Variants in PIN4 observed in about 807,000 individuals in gnomAD.
PIN4 encodes the protein peptidylprolyl cis/trans isomerase, NIMA-interacting 4.
A neutral mutation model predicts 8.3 loss-of-function variants in PIN4; 3 were observed. That is an observed-to-expected ratio of 0.36 (90% CI 0.16 to 0.93). The LOEUF is 0.93. Ranked by LOEUF, PIN4 falls within the 40% of genes least tolerant of loss-of-function variation. The pLI, the probability that PIN4 is intolerant of heterozygous loss-of-function variation, is 0.44. For synonymous variants in PIN4, 18 were observed against 32.5 expected, an observed-to-expected ratio of 0.55 and a Z score of 1.52; for missense variants, 75 against 100.6, an observed-to-expected ratio of 0.75 and a Z score of 1.09.
intron 3 of PIN4, among the ~76,000 whole-genome samples, chrX:72,235,206 G>A (rs951177079): frequency 3.6e-5 from 4 of 111,474 alleles, no homozygotes; most frequent in African/African-American, 1.3e-4. Context: ...TAAGGTTGCA[G>A]CAAGGCTGTG....
intron 2 of PIN4, among the ~76,000 whole-genome samples, chrX:72,187,078 C>T (rs1239430412): frequency 8.9e-6 from 1 of 112,047 alleles, no homozygotes; most frequent in Non-Finnish European, 1.9e-5. Flanking sequence ...CCTTAAAATG[C>T]ATTAAGTTAG....
Position 72,198,173 on chromosome X carries a change from C to T in PIN4, c.*647C>T. The T allele has an allele frequency of 1.3e-6, 1 of 745,481 alleles. No homozygotes were observed. Among genetic ancestry groups the T allele is most frequent in the South Asian group, 6.8e-5 (1 of 14,653 alleles). 61.4% of individuals were successfully genotyped at this position (745,481 alleles called of 1,213,427 possible). The stretch of plus-strand genomic sequence containing the variant: ...GGGATGTCAGCATAAAAATGTCATT[C>T]CCTCATCTTCAGTGTATGGGTTACA... On this transcript the variant is annotated 3_prime_UTR_variant, in exon 4 of 4. Coordinates refer to ENST00000373669, the MANE Select transcript of PIN4 (RefSeq NM_006223.4).
intron 3 of PIN4, among the ~76,000 whole-genome samples, chrX:72,262,523 G>A (rs1340163434): frequency 1.8e-5 from 2 of 112,234 alleles, no homozygotes; most frequent in Non-Finnish European, 3.8e-5. Context: ...GCAAGGAGGA[G>A]CTCTGTAAAC....
rs1203294935 is a variant in PIN4 at position 72,249,693 on chromosome X, C to A, written c.313-13014C>A. Among the ~76,000 whole-genome samples the A allele has an allele frequency of 3.6e-5, 4 of 111,719 alleles. 1 individual carries two copies. In the Admixed American group the frequency reaches 3.8e-4, roughly 11 times the overall value. On this transcript the variant is annotated intron_variant, in intron 3 of 3. Transcript: ENST00000423432. ...TCAGAATGTTACATACTGCTTGATT[C>A]CATTTCTATGAAGTTCAAGAACAAT...
intron 3 of PIN4, among the ~76,000 whole-genome samples, chrX:72,213,356 C>T (rs138818599): frequency 0.011 from 1,192 of 111,853 alleles, 5 homozygotes; most frequent in Non-Finnish European, 0.017. Context: ...AATCATATAT[C>T]GCCCGAGAGC....
rs779134069 is a variant in PIN4, at chrX:72,213,617, C to T, written c.312+16713C>T. Among the ~76,000 whole-genome samples, 5 of 112,310 alleles carry T rather than the reference C, an allele frequency of 4.5e-5. No individual in the cohort carries two copies. In the South Asian group the frequency reaches 1.9e-3, roughly 42 times the overall value. On this transcript the variant is annotated intron_variant, in intron 3 of 3. Transcript: ENST00000423432. ...TCCAGATATGGCAGGGTGTCCGCTG[C>T]GTTTCTGATATAGCAAGGCGCCCAT...
chrX:72,261,892 A>G (rs2043141403), intron 3 of PIN4, among the ~76,000 whole-genome samples: 1 of 109,988 alleles, frequency 9.1e-6, no homozygotes. Flanking sequence ...CTTGTCATAC[A>G]CCCTCATTCC....
At chrX:72,194,566 G>GT (rs1331486732) in intron 2 of PIN4, among the ~76,000 whole-genome samples, 4 of 108,556 alleles carry the variant, frequency 3.7e-5, no homozygotes, top group Non-Finnish European at 7.7e-5. Context: ...GCCAGGCGTG[G>GT]TGGTGCATGC....
Position 72,248,895 on chromosome X carries a change from G to GA in PIN4, c.313-13801dup, listed in dbSNP as rs1166606188. Among the ~76,000 whole-genome samples the GA allele has an allele frequency of 2.2e-4, 22 of 100,504 alleles. 1 individual carries two copies. Among genetic ancestry groups the GA allele is most frequent in the East Asian group, 3.2e-4 (1 of 3,150 alleles). The allele number at this position is 100,504 out of a possible 115,157, so 87.3% of individuals were successfully genotyped here. A position where few individuals can be genotyped will look rare whatever the true frequency, so the allele number is the denominator to read the frequency against. On this transcript the variant is annotated intron_variant, in intron 3 of 3. Transcript: ENST00000423432. ...CCATCTCAAAAAAAGAAAAGAAAAA[G>GA]AAAAAAAAAAACCAATCCTCAGGCA...
rs139531286 is a variant in PIN4 at position 72,207,273 on chromosome X, A to G, written c.312+10369A>G. ...CGATTCGCAATGTCTTAAAGTGCCT[A>G]TTCTTTAAGAGGCGTTCAATGATGT... On this transcript the variant is annotated intron_variant, in intron 3 of 3. Transcript: ENST00000423432. The G allele has an allele frequency of 5.2e-5, 63 of 1,209,167 alleles. No homozygotes were observed. The African/African-American group carries it at 1.0e-3, about 20-fold the overall frequency.
intron 2 of PIN4, among the ~76,000 whole-genome samples, chrX:72,190,864 A>G (rs1281813506): frequency 3.7e-5 from 4 of 107,768 alleles, no homozygotes; most frequent in Non-Finnish European, 7.7e-5. Context: ...GAGGCAGGAG[A>G]ATCACTTGAA....
chrX:72,231,750 C>T (rs1212270497), intron 3 of PIN4, among the ~76,000 whole-genome samples: 3 of 110,979 alleles, frequency 2.7e-5, no homozygotes, highest in Non-Finnish European at 5.7e-5. Context: ...GACAGAGTTT[C>T]GCCATGTTGG....
chrX:72,182,381 A>T (rs977093014), intron 1 of PIN4, among the ~76,000 whole-genome samples: 2 of 110,717 alleles, frequency 1.8e-5, no homozygotes, highest in African/African-American at 6.6e-5. Flanking sequence ...TCTCTACTAA[A>T]AATACAAAAA....
chrX:72,210,186 C>T (rs959916661), intron 3 of PIN4, among the ~76,000 whole-genome samples: 4 of 68,762 alleles, frequency 5.8e-5, no homozygotes, highest in Non-Finnish European at 6.9e-5. Flanking sequence ...AATAACATAG[C>T]GAGACTGTCT....
chrX:72,252,834 G>A (rs888603491), intron 3 of PIN4, among the ~76,000 whole-genome samples: 1 of 111,826 alleles, frequency 8.9e-6, no homozygotes, highest in Non-Finnish European at 1.9e-5. Flanking sequence ...GGGACACAAC[G>A]CATGGTTCAT....
At chrX:72,188,319 C>G (rs1300467988) in intron 2 of PIN4, among the ~76,000 whole-genome samples, 1 of 112,250 alleles carries the variant, frequency 8.9e-6, no homozygotes, top group Non-Finnish European at 1.9e-5. Context: ...AGCATCTAAC[C>G]TAAGAGACTG....
Position 72,191,945 on chromosome X carries a change from T to TTTTTTG in PIN4, c.118-4821_118-4816dup, listed in dbSNP as rs60476296. The stretch of plus-strand genomic sequence containing the variant: ...CCAGGGACCTTTAAAATTCGTGGGT[T>TTTTTTG]TTTTTGTTTTTGTTTTTGTTTTTGA... On this transcript the variant is annotated intron_variant, in intron 2 of 3. Coordinates refer to ENST00000373669, the MANE Select transcript of PIN4 (RefSeq NM_006223.4). Among the ~76,000 whole-genome samples the TTTTTTG allele has an allele frequency of 8.8e-3, 974 of 110,092 alleles. 23 individuals are homozygous for TTTTTTG. Among genetic ancestry groups the TTTTTTG allele is most frequent in the African/African-American group, 0.03 (905 of 30,039 alleles).
intron 3 of PIN4, among the ~76,000 whole-genome samples, chrX:72,245,691 A>G (rs894753652): frequency 6.3e-5 from 7 of 111,579 alleles, no homozygotes; most frequent in African/African-American, 2.3e-4. Context: ...GGAGCCAGAA[A>G]CTGAATTTCC....
intron 3 of PIN4, chrX:72,238,984 T>C (rs1332260156): frequency 2.9e-6 from 3 of 1,021,096 alleles, no homozygotes; most frequent in Non-Finnish European, 4.0e-6. Flanking sequence ...AGCTTGGAGC[T>C]TAGAGTTTGG....
Sources: allele counts gnomAD v4.1 joint callset (sites outside exome capture counted in the v4.1 genomes callset), GRCh38; gene constraint gnomAD v4.1.1; transcripts MANE v1.5; gene names NCBI Gene and HGNC (gene_info 2026-07-23, HGNC 2026-07-21).